POU2F2: variants seen among roughly 807,000 people sequenced by gnomAD.
POU2F2 encodes the protein POU class 2 homeobox 2, also known as POU domain, class 2, transcription factor 2.
A neutral mutation model predicts 63.5 loss-of-function variants in POU2F2; 14 were observed. That is an observed-to-expected ratio of 0.22 (90% CI 0.15 to 0.34). POU2F2 has a LOEUF of 0.34. Among genes scored for constraint, POU2F2 ranks in the 10% least tolerant of loss-of-function variants. The pLI is 1.00. For synonymous variants in POU2F2, 306 were observed against 348.6 expected (o/e 0.88, Z 1.36); for missense variants, 607 against 815.2 (o/e 0.74, Z 3.11).
At chr19:42,184,960 C>G (rs1366975669) in intron 1 of POU2F2, among the ~76,000 whole-genome samples, 2 of 152,172 alleles carry the variant, frequency 1.3e-5, no homozygotes, top group East Asian at 1.9e-4. Context: ...GTCATCTTCT[C>G]TACCATGCCC....
intron 1 of POU2F2, among the ~76,000 whole-genome samples, chr19:42,127,298 C>T (rs1005777842): frequency 2.0e-5 from 3 of 151,872 alleles, no homozygotes; most frequent in African/African-American, 7.3e-5. Context: ...ATGGGCTGTT[C>T]CCTCTGTCTG....
At chr19:42,149,704 G>GA (rs1341456824) in intron 2 of POU2F2, among the ~76,000 whole-genome samples, 1 of 152,090 alleles carries the variant, frequency 6.6e-6, no homozygotes, top group African/African-American at 2.4e-5. Flanking sequence ...GGAGAGAAAA[G>GA]AAAGAGGGAG....
intron 2 of POU2F2, among the ~76,000 whole-genome samples, chr19:42,146,006 C>T (rs2034223600): frequency 7.2e-6 from 1 of 138,744 alleles, no homozygotes; most frequent in African/African-American, 2.7e-5. Context: ...GCACTCCAGC[C>T]TGGGTGACAG....
intron 1 of POU2F2, among the ~76,000 whole-genome samples, chr19:42,193,139 T>C (rs1418781069): frequency 7.5e-6 from 1 of 134,180 alleles, no homozygotes. Flanking sequence ...GGCGGGAGAA[T>C]GGCGGGAGGC....
At chr19:42,167,399 G>A (rs1274920871) in intron 1 of POU2F2, among the ~76,000 whole-genome samples, 4 of 151,872 alleles carry the variant, frequency 2.6e-5, no homozygotes, top group Non-Finnish European at 5.9e-5. Context: ...GGTTGCAGTG[G>A]GCTGAGATTG....
intron 5 of POU2F2, among the ~76,000 whole-genome samples, chr19:42,104,350 T>A (rs1403663944): frequency 2.0e-5 from 3 of 151,988 alleles, no homozygotes; most frequent in Non-Finnish European, 4.4e-5. Context: ...AATTTATCTA[T>A]TCTCACTCTA....
intron 2 of POU2F2, among the ~76,000 whole-genome samples, chr19:42,137,719 T>TA (rs2146750938): frequency 6.6e-6 from 1 of 152,006 alleles, no homozygotes; most frequent in Admixed American, 6.6e-5. Context: ...CCCTGACTCT[T>TA]AAAAAAAGTA....
chr19:42,185,562 C>T (rs2035003954), intron 1 of POU2F2, among the ~76,000 whole-genome samples: 1 of 152,174 alleles, frequency 6.6e-6, no homozygotes. Flanking sequence ...TTGAATCTGC[C>T]CTTAACCTCT....
At chr19:42,131,820 C>T (rs1298465930) in intron 1 of POU2F2, among the ~76,000 whole-genome samples, 2 of 152,048 alleles carry the variant, frequency 1.3e-5, no homozygotes, top group Non-Finnish European at 2.9e-5. Flanking sequence ...GAGGAGGTGA[C>T]ATCTGAGGTG....
chr19:42,117,143 G>T lies in POU2F2; in HGVS notation c.369+107C>A. 2.1e-6 allele frequency: 2 copies of T among 932,524 alleles called. No individual in the cohort carries two copies. The highest frequency in any genetic ancestry group is 3.2e-6 in the Non-Finnish European group (2 of 616,874). The allele number at this position is 932,524 out of a possible 1,614,324, so 57.8% of individuals were successfully genotyped here. ...GGACAGAAGAGGGCAAGAGGCAGGT[G>T]TGAGAGAGTGGCCATGGCCTTGGTG... On this transcript the variant is annotated intron_variant, in intron 5 of 14. Coordinates refer to ENST00000692977, the MANE Select transcript of POU2F2 (RefSeq NM_001394376.1). This position sits in a 1 kb window ranked among gnomAD's most constrained non-coding sequence, Gnocchi z 4.4.
chr19:42,091,876 T>C lies in POU2F2; in HGVS notation c.1531A>G (p.Thr511Ala). ...PALMSNNPLA[T>A]IQALASGGTL... ...ATGAGGCAGCACGCACCTTGGATAG[T>C]GGCCAAAGGGTTGTTGCTCATGAGG... Residue 511 changes from threonine (T) to alanine (A), a missense_variant, in exon 14 of 15, where the codon ACT becomes GCT. By Grantham distance (58) the Thr-to-Ala change is moderately conservative. Around this residue, in one of 7 missense-constraint regions of POU2F2, gnomAD observed 270 missense variants for 307.5 expected, o/e 0.88. Coordinates refer to ENST00000692977, the MANE Select transcript of POU2F2 (RefSeq NM_001394376.1). 3 of 1,538,884 alleles carry C rather than the reference T, an allele frequency of 1.9e-6. No individual in the cohort carries two copies. Among genetic ancestry groups the C allele is most frequent in the Non-Finnish European group, 2.6e-6 (3 of 1,146,886 alleles).
intron 2 of POU2F2, among the ~76,000 whole-genome samples, chr19:42,149,580 G>GGGAGAGGCAGCAATAAAGGAA (rs2034300299): frequency 6.6e-6 from 1 of 152,162 alleles, no homozygotes. Context: ...AATCCCTGGA[G>GGGAGAGGCAGCAATAAAGGAA]GGAGAGGCAG....
intron 2 of POU2F2, among the ~76,000 whole-genome samples, chr19:42,149,450 G>A (rs979225479): frequency 6.6e-6 from 1 of 152,126 alleles, no homozygotes; most frequent in African/African-American, 2.4e-5. Context: ...GATGTGGGGC[G>A]CAGGCAGGGT....
rs1322421938 is a variant in POU2F2, at chr19:42,156,113, T to C, written c.-9+4219A>G. On this transcript the variant is annotated intron_variant, in intron 2 of 6. Coordinates refer to the POU2F2 transcript ENST00000524801. This position sits in a 1 kb window ranked among gnomAD's most constrained non-coding sequence, Gnocchi z 4.1. ...AAGAGCCCTGAGGAACGTCTCTCTATTTGAAGTCAGAGCCGAGTGCCTGCT... is the reference window on the plus strand; with the variant it reads ...AAGAGCCCTGAGGAACGTCTCTCTACTTGAAGTCAGAGCCGAGTGCCTGCT... 6.6e-6 allele frequency: 1 copy of C among 152,142 alleles called. No individual in the cohort carries two copies. Among genetic ancestry groups the C allele is most frequent in the Non-Finnish European group, 1.5e-5 (1 of 68,028 alleles). The allele number at this position is 152,142 out of a possible 1,614,324, so 9.4% of individuals were successfully genotyped here. A position where few individuals can be genotyped will look rare whatever the true frequency, so the allele number is the denominator to read the frequency against.
chr19:42,132,358 A>T, intron 1 of POU2F2, 26 bp downstream of exon 1: 1 of 1,580,720 alleles, frequency 6.3e-7, no homozygotes, highest in Non-Finnish European at 8.6e-7. Context: ...TCCTCTGAGC[A>T]GTGGCACAGG....
chr19:42,183,614 A>G (rs933271901), intron 1 of POU2F2, among the ~76,000 whole-genome samples: 2 of 152,194 alleles, frequency 1.3e-5, no homozygotes, highest in African/African-American at 4.8e-5. Context: ...CTGATTGCAA[A>G]TAAATAAATA....
chr19:42,158,572 A>G (rs2034498616), intron 2 of POU2F2, among the ~76,000 whole-genome samples: 1 of 152,218 alleles, frequency 6.6e-6, no homozygotes, highest in African/African-American at 2.4e-5. Flanking sequence ...GTGAGGATTA[A>G]AAGCAAAGTG....
At chr19:42,151,469 T>C (rs2034350506) in intron 2 of POU2F2, among the ~76,000 whole-genome samples, 1 of 151,946 alleles carries the variant, frequency 6.6e-6, no homozygotes, top group African/African-American at 2.4e-5. Flanking sequence ...GGGACGCACC[T>C]GGGACCAGGG....
chr19:42,168,619 G>C (rs934717168), intron 1 of POU2F2, among the ~76,000 whole-genome samples: 1 of 152,122 alleles, frequency 6.6e-6, no homozygotes, highest in East Asian at 1.9e-4. Flanking sequence ...ACCTCATCCA[G>C]AGCCCAGAAT....
Sources: gnomAD v4.1 joint callset for allele counts (sites outside exome capture counted in the v4.1 genomes callset) on GRCh38, gnomAD v4.1.1 for gene constraint, gnomAD v4.1.1 regional missense constraint, Gnocchi (gnomAD v3.1) non-coding constraint, MANE v1.5 for transcripts, NCBI Gene and HGNC (gene_info 2026-07-23, HGNC 2026-07-21) for gene names.